The following CTNNA2 variants were observed in gnomAD, a reference collection of about 807,000 sequenced individuals.
CTNNA2 encodes the protein catenin alpha 2, also known as catenin alpha-2.
A neutral mutation model predicts 101.0 loss-of-function variants in CTNNA2; 42 were observed. That is an observed-to-expected ratio of 0.42 (90% confidence interval 0.32 to 0.54). The LOEUF is 0.54. CTNNA2 is among the 20% of genes least tolerant of loss of function. CTNNA2 has a pLI of 0.14. For synonymous variants in CTNNA2, 450 were observed against 456.4 expected, an observed-to-expected ratio of 0.99 and a Z score of 0.18; for missense variants, 871 against 1,223.1, an observed-to-expected ratio of 0.71 and a Z score of 4.29.
intron 2 of CTNNA2, among the ~76,000 whole-genome samples, chr2:79,681,904 T>C (rs1386080803): frequency 6.6e-6 from 1 of 152,216 alleles, no homozygotes; most frequent in Non-Finnish European, 1.5e-5. Context: ...TGAGGTTTAT[T>C]AGAAAATCTT....
At chr2:80,550,946 A>G (rs927259831) in intron 11 of CTNNA2, among the ~76,000 whole-genome samples, 3 of 152,214 alleles carry the variant, frequency 2.0e-5, no homozygotes, top group African/African-American at 7.2e-5. Flanking sequence ...TACTTTGCCC[A>G]GATCCATCAG....
chr2:80,592,517 C>A (rs904539822), intron 15 of CTNNA2, among the ~76,000 whole-genome samples: 1 of 152,140 alleles, frequency 6.6e-6, no homozygotes, highest in South Asian at 2.1e-4. Flanking sequence ...TGGAATAGTT[C>A]AACTTGTGAT....
intron 1 of CTNNA2, among the ~76,000 whole-genome samples, chr2:79,577,379 A>G (rs985639523): frequency 6.6e-6 from 1 of 152,094 alleles, no homozygotes; most frequent in Admixed American, 6.5e-5. Context: ...GTTTCATGAG[A>G]TAATGATTTA....
chr2:79,349,577 A>T (rs1246430121), intron 3 of CTNNA2, among the ~76,000 whole-genome samples: 1 of 152,236 alleles, frequency 6.6e-6, no homozygotes, highest in Non-Finnish European at 1.5e-5. Flanking sequence ...GATAATTAAC[A>T]TTCTATAGAT....
At chr2:80,341,998 G>A (rs1334288399) in intron 7 of CTNNA2, among the ~76,000 whole-genome samples, 1 of 152,136 alleles carries the variant, frequency 6.6e-6, no homozygotes, top group Non-Finnish European at 1.5e-5. Context: ...GCTAAGTAAA[G>A]GAAGATAGTC....
intron 9 of CTNNA2, among the ~76,000 whole-genome samples, chr2:80,476,112 G>A (rs1685707909): frequency 6.6e-6 from 1 of 152,032 alleles, no homozygotes; most frequent in Admixed American, 6.6e-5. Context: ...TGAGCTAAAT[G>A]TCATTCTTGA....
chr2:79,877,912 A>G (rs377479959), intron 6 of CTNNA2, among the ~76,000 whole-genome samples: 4 of 152,282 alleles, frequency 2.6e-5, no homozygotes, highest in East Asian at 3.9e-4. Flanking sequence ...CTAGGTTTAC[A>G]TGTGCCATGG....
intron 15 of CTNNA2, among the ~76,000 whole-genome samples, chr2:80,592,639 T>G (rs538676819): frequency 6.6e-6 from 1 of 152,250 alleles, no homozygotes; most frequent in South Asian, 2.1e-4. Context: ...TAGTAAAATT[T>G]CCCAAACATA....
chr2:79,352,435 C>A (rs564030117), intron 3 of CTNNA2, among the ~76,000 whole-genome samples: 2 of 152,132 alleles, frequency 1.3e-5, no homozygotes, highest in South Asian at 4.1e-4. Flanking sequence ...GTAATAATAT[C>A]TTTGTCATTT....
chr2:80,467,493 T>C (rs941529414), intron 9 of CTNNA2, among the ~76,000 whole-genome samples: 2 of 152,140 alleles, frequency 1.3e-5, no homozygotes, highest in African/African-American at 4.8e-5. Context: ...AAATAAAAGT[T>C]GCAAAAAACC....
At chr2:79,830,174 A>T (rs1042768740) in intron 3 of CTNNA2, among the ~76,000 whole-genome samples, 2 of 138,096 alleles carry the variant, frequency 1.4e-5, no homozygotes, top group Non-Finnish European at 3.3e-5. Flanking sequence ...ACAAGAGTAC[A>T]TAAGGGAGAT....
At chr2:80,631,062 G>T (rs1245755440) in intron 18 of CTNNA2, among the ~76,000 whole-genome samples, 1 of 152,176 alleles carries the variant, frequency 6.6e-6, no homozygotes, top group Non-Finnish European at 1.5e-5. Flanking sequence ...TCAGATAAAG[G>T]AATAATGATG....
At chr2:80,312,352 C>T (rs187239404) in intron 7 of CTNNA2, among the ~76,000 whole-genome samples, 77 of 152,144 alleles carry the variant, frequency 5.1e-4, no homozygotes, top group Admixed American at 2.0e-3. Context: ...GCCAGAGTAG[C>T]GGGGTGAGTA....
In CTNNA2 at chr2:80,048,237, C is replaced by A. The variant is rs188532735; in HGVS notation, c.1056+138440C>A. Reference sequence around the variant, plus strand: ...ATGCAATGTTTGGAATCTACTTATACTAAAATATTTGCTGTTTATCTGAAA... The same window carrying A: ...ATGCAATGTTTGGAATCTACTTATAATAAAATATTTGCTGTTTATCTGAAA... On this transcript the variant is annotated intron_variant, in intron 7 of 18. Transcript: ENST00000402739. Among the ~76,000 whole-genome samples the A allele has an allele frequency of 7.2e-5, 11 of 152,012 alleles. 1 individual carries two copies. The highest frequency in any genetic ancestry group is 1.5e-4 in the Non-Finnish European group (10 of 67,990).
intron 7 of CTNNA2, among the ~76,000 whole-genome samples, chr2:80,278,867 C>G (rs1373276399): frequency 6.6e-6 from 1 of 151,950 alleles, no homozygotes; most frequent in Non-Finnish European, 1.5e-5. Flanking sequence ...ACTTGGAAAG[C>G]TGAGGCAGGA....
At chr2:79,649,718 AACCC>A (rs1160860745) in intron 1 of CTNNA2, among the ~76,000 whole-genome samples, 1 of 152,200 alleles carries the variant, frequency 6.6e-6, no homozygotes, top group East Asian at 1.9e-4. Flanking sequence ...GTGATGAAGA[AACCC>A]AAATCTAAAT....
chr2:79,772,406 A>G (rs1266433306), intron 3 of CTNNA2, among the ~76,000 whole-genome samples: 1 of 152,206 alleles, frequency 6.6e-6, no homozygotes, highest in Non-Finnish European at 1.5e-5. Flanking sequence ...GCAAAAATAC[A>G]GTACCTTAGA....
chr2:80,042,375 A>C (rs1395320668), intron 7 of CTNNA2, among the ~76,000 whole-genome samples: 2 of 152,200 alleles, frequency 1.3e-5, no homozygotes, highest in Non-Finnish European at 2.9e-5. Flanking sequence ...AAACTAGCTA[A>C]ATGAATGCTG....
At chr2:79,853,336 T>A (rs1680877780) in intron 3 of CTNNA2, among the ~76,000 whole-genome samples, 1 of 152,072 alleles carries the variant, frequency 6.6e-6, no homozygotes, top group Non-Finnish European at 1.5e-5. Flanking sequence ...AGAGATAGGG[T>A]CTCACTAGGT....
Sources: gnomAD v4.1 joint callset for allele counts (sites outside exome capture counted in the v4.1 genomes callset) on GRCh38, gnomAD v4.1.1 for gene constraint, MANE v1.5 for transcripts, NCBI Gene and HGNC (gene_info 2026-07-23, HGNC 2026-07-21) for gene names.